The following NTNG1 variants were observed in gnomAD, a reference collection of about 807,000 sequenced individuals.
NTNG1 encodes the protein netrin-G1.
Under a neutral mutation model 54.0 loss-of-function variants are expected in NTNG1, and 16 were observed. That is an observed-to-expected ratio of 0.30 (90% CI 0.20 to 0.45). The LOEUF is 0.45. Ranked by LOEUF, NTNG1 falls within the 20% of genes least tolerant of loss-of-function variation. The pLI is 1.00. For synonymous variants in NTNG1, 255 were observed against 263.1 expected (o/e 0.97, Z 0.30); for missense variants, 530 against 678.7 (o/e 0.78, Z 2.43).
At chr1:107,399,981 T>C (rs1252614839) in intron 4 of NTNG1, among the ~76,000 whole-genome samples, 2 of 152,130 alleles carry the variant, frequency 1.3e-5, no homozygotes, top group African/African-American at 4.8e-5. Flanking sequence ...ACCCCGGCTG[T>C]TCTCAGTCTA....
intron 7 of NTNG1, among the ~76,000 whole-genome samples, chr1:107,478,762 C>A (rs1420337859): frequency 1.3e-5 from 2 of 152,178 alleles, no homozygotes; most frequent in African/African-American, 4.8e-5. Flanking sequence ...CATGTTGCCC[C>A]AATTAAACAT....
chr1:107,192,007 AT>A (rs1222241757), intron 2 of NTNG1, among the ~76,000 whole-genome samples: 5 of 152,140 alleles, frequency 3.3e-5, no homozygotes, highest in Non-Finnish European at 5.9e-5. Flanking sequence ...GAATCAATAA[AT>A]TACCTTGGGC....
At chr1:107,311,236 C>T (rs1666993664) in intron 2 of NTNG1, among the ~76,000 whole-genome samples, 1 of 152,122 alleles carries the variant, frequency 6.6e-6, no homozygotes, top group South Asian at 2.1e-4. Context: ...TCCATAATTG[C>T]TCAAGAACAA....
At chr1:107,300,694 A>G (rs1666262717) in intron 2 of NTNG1, among the ~76,000 whole-genome samples, 1 of 152,192 alleles carries the variant, frequency 6.6e-6, no homozygotes, top group Non-Finnish European at 1.5e-5. Flanking sequence ...CAAGTGATTC[A>G]TCTCTTCTTT....
At chr1:107,297,086 GAC>G (rs34213703) in intron 2 of NTNG1, among the ~76,000 whole-genome samples, 54,833 of 136,990 alleles carry the variant, frequency 0.4, 11,379 homozygotes, top group Non-Finnish European at 0.47. Context: ...TACAGATGAG[GAC>G]ACACACACAC....
rs764360646 is a variant in NTNG1 at position 107,148,580 on chromosome 1, C to T, written c.-14C>T. 9 of 1,610,998 alleles carry T rather than the reference C, an allele frequency of 5.6e-6. No individual in the cohort carries two copies. The highest frequency in any genetic ancestry group is 7.6e-6 in the Non-Finnish European group (9 of 1,177,978). On this transcript the variant is annotated 5_prime_UTR_variant, in exon 2 of 8. Coordinates refer to ENST00000370068, the MANE Select transcript of NTNG1 (RefSeq NM_001113226.3). ...TCTGCTTTAGTTTCCAAGAAGATTA[C>T]AAAGAATTTAGAGATGTATTTGTCA... is the stretch of plus-strand genomic sequence containing the variant.
At chr1:107,345,419 G>A (rs902718802) in intron 3 of NTNG1, among the ~76,000 whole-genome samples, 1 of 152,194 alleles carries the variant, frequency 6.6e-6, no homozygotes, top group Non-Finnish European at 1.5e-5. Context: ...TATGCTGGAA[G>A]GCAATGTGCT....
intron 2 of NTNG1, among the ~76,000 whole-genome samples, chr1:107,243,470 G>A (rs992958585): frequency 6.6e-6 from 1 of 152,172 alleles, no homozygotes; most frequent in South Asian, 2.1e-4. Flanking sequence ...GCCTTGGTTT[G>A]TTCATTCAAT....
chr1:107,467,777 T>C (rs991584528), intron 7 of NTNG1, among the ~76,000 whole-genome samples: 1 of 152,248 alleles, frequency 6.6e-6, no homozygotes, highest in Non-Finnish European at 1.5e-5. Flanking sequence ...TTTCTTAGCC[T>C]TGCTGATGTA....
intron 2 of NTNG1, among the ~76,000 whole-genome samples, chr1:107,177,579 T>C (rs1656740026): frequency 6.6e-6 from 1 of 152,058 alleles, no homozygotes; most frequent in Non-Finnish European, 1.5e-5. Flanking sequence ...GTGATCCGCC[T>C]GCCTCAGCCT....
At chr1:107,324,003 C>T (rs1406254295) in intron 2 of NTNG1, among the ~76,000 whole-genome samples, 1 of 151,938 alleles carries the variant, frequency 6.6e-6, no homozygotes, top group Non-Finnish European at 1.5e-5. Flanking sequence ...TCGGTGCCTT[C>T]GTGCTTCTGT....
intron 2 of NTNG1, among the ~76,000 whole-genome samples, chr1:107,313,745 A>T (rs1324667391): frequency 6.6e-6 from 1 of 152,186 alleles, no homozygotes; most frequent in East Asian, 1.9e-4. Flanking sequence ...GCAGTCCTAA[A>T]TTAATCCCTC....
At chr1:107,388,712 G>T (rs1005827793) in intron 3 of NTNG1, among the ~76,000 whole-genome samples, 1 of 152,160 alleles carries the variant, frequency 6.6e-6, no homozygotes, top group Admixed American at 6.5e-5. Context: ...AACTCAGGCT[G>T]TCTATTTCAG....
At position 107,408,509 on chromosome 1, in the gene NTNG1, A is replaced by G. The variant is rs534417850; in HGVS notation, c.1087+801A>G. ...CACTACAAAGAACTTTCTTCCAGCT[A>G]TCATGGGAGAACCAGGTGTAGCTCC... On this transcript the variant is annotated intron_variant, in intron 5 of 7. Coordinates refer to ENST00000370068, the MANE Select transcript of NTNG1 (RefSeq NM_001113226.3). 7.9e-5 allele frequency: 12 copies of G among 152,338 alleles called. No homozygotes were observed. The East Asian group carries it at 1.7e-3, about 22-fold the overall frequency. The allele number at this position is 152,338 out of a possible 1,614,324, so 9.4% of individuals were successfully genotyped here.
chr1:107,483,133 A>C lies in NTNG1; in HGVS notation c.*2293A>C, dbSNP rs541972561. 6.6e-6 allele frequency: 1 copy of C among 152,328 alleles called. No individual in the cohort carries two copies. Among genetic ancestry groups the C allele is most frequent in the South Asian group, 2.1e-4 (1 of 4,816 alleles). 9.4% of individuals were successfully genotyped at this position (152,328 alleles called of 1,614,324 possible). On this transcript the variant is annotated 3_prime_UTR_variant, in exon 8 of 8. Transcript: ENST00000370068. ...GGTGGATTTCTGATATTAAAATTAG[A>C]GTTTAAGTTGTCTTATAGTTTATTA...
At chr1:107,223,498 A>G (rs1231575745) in intron 2 of NTNG1, among the ~76,000 whole-genome samples, 1 of 152,154 alleles carries the variant, frequency 6.6e-6, no homozygotes, top group Non-Finnish European at 1.5e-5. Flanking sequence ...TTACTAATAG[A>G]ATATTTAATG....
intron 5 of NTNG1, among the ~76,000 whole-genome samples, chr1:107,422,545 A>T (rs1303876493): frequency 6.6e-6 from 1 of 152,118 alleles, no homozygotes; most frequent in East Asian, 1.9e-4. Flanking sequence ...ACAAATTCAC[A>T]TCATCGTCAA....
At position 107,441,259 on chromosome 1, in the gene NTNG1, A is replaced by G. The variant is rs563156680; in HGVS notation, c.1390+4460A>G. Among the ~76,000 whole-genome samples the G allele has an allele frequency of 2.6e-5, 4 of 152,204 alleles. No homozygotes were observed. In the East Asian group the frequency reaches 7.7e-4, roughly 29 times the overall value. ...ACTTTTCAGTTTGGGAGGTAGAAAT[A>G]GCCACTTGTAGAACTAATGTGACTG... On this transcript the variant is annotated intron_variant, in intron 7 of 7. Coordinates refer to ENST00000370068, the MANE Select transcript of NTNG1 (RefSeq NM_001113226.3).
At chr1:107,345,643 TCAAA>T (rs1174152684) in intron 3 of NTNG1, among the ~76,000 whole-genome samples, 2 of 152,176 alleles carry the variant, frequency 1.3e-5, no homozygotes, top group Non-Finnish European at 2.9e-5. Flanking sequence ...GGCCCTCATC[TCAAA>T]CAGTCTGAAT....
Sources: allele counts gnomAD v4.1 joint callset (sites outside exome capture counted in the v4.1 genomes callset), GRCh38; gene constraint gnomAD v4.1.1; transcripts MANE v1.5; gene names NCBI Gene and HGNC (gene_info 2026-07-23, HGNC 2026-07-21).